Variants in EEIG2 observed in about 807,000 individuals in gnomAD.
EEIG2 encodes the protein family with sequence similarity 102 member B.
the EEIG2 span, among the ~76,000 whole-genome samples, chr1:108,600,133 A>T: frequency 6.6e-6 from 1 of 152,234 alleles, no homozygotes; most frequent in East Asian, 1.9e-4. Flanking sequence ...AGTTCATCTT[A>T]AAATAAGAAT....
At chr1:108,600,261 A>C in the EEIG2 span, among the ~76,000 whole-genome samples, 1 of 152,266 alleles carries the variant, frequency 6.6e-6, no homozygotes, top group Non-Finnish European at 1.5e-5. Context: ...CATGTACCAC[A>C]TGCGCAGCAT....
At chr1:108,623,481 C>T in the EEIG2 span, among the ~76,000 whole-genome samples, 4 of 151,100 alleles carry the variant, frequency 2.6e-5, no homozygotes, top group African/African-American at 4.9e-5. Flanking sequence ...GGTGACAAAG[C>T]GAGACCCTGT....
At chr1:108,632,502 G>A in the EEIG2 span, among the ~76,000 whole-genome samples, 16 of 152,196 alleles carry the variant, frequency 1.1e-4, no homozygotes, top group Admixed American at 2.6e-4. Context: ...TTAGAGCAAG[G>A]AAAGACCAGT....
At chr1:108,633,547 C>T in the EEIG2 span, among the ~76,000 whole-genome samples, 3 of 152,332 alleles carry the variant, frequency 2.0e-5, no homozygotes, top group South Asian at 6.2e-4. Context: ...CCGGCATGCA[C>T]CTGCCTGCTT....
At chr1:108,611,910 G>A in the EEIG2 span, among the ~76,000 whole-genome samples, 1 of 147,292 alleles carries the variant, frequency 6.8e-6, no homozygotes, top group African/African-American at 2.6e-5. Flanking sequence ...ATTCTTTAAT[G>A]TATATAGAAA....
At chr1:108,624,755 A>T in the EEIG2 span, 1 of 1,608,532 alleles carries the variant, frequency 6.2e-7, no homozygotes. Context: ...GCAGGTATGG[A>T]TGTGTGGCTT....
the EEIG2 span, among the ~76,000 whole-genome samples, chr1:108,561,783 C>T: frequency 6.6e-6 from 1 of 152,166 alleles, no homozygotes; most frequent in Non-Finnish European, 1.5e-5. Flanking sequence ...AATATTGGAC[C>T]ATCTCTTACT....
At chr1:108,617,088 G>C in the EEIG2 span, among the ~76,000 whole-genome samples, 1 of 152,106 alleles carries the variant, frequency 6.6e-6, no homozygotes, top group African/African-American at 2.4e-5. Flanking sequence ...TGAGGGAGAA[G>C]TGTTCTTGGC....
the EEIG2 span, chr1:108,606,158 G>A: frequency 2.0e-6 from 2 of 1,016,678 alleles, no homozygotes; most frequent in Non-Finnish European, 1.4e-6. Flanking sequence ...AGAATTATTT[G>A]ACATATATTT....
At chr1:108,627,440 A>G in the EEIG2 span, 1 of 152,232 alleles carries the variant, frequency 6.6e-6, no homozygotes, top group Admixed American at 6.5e-5. Context: ...ATTGTGCCCT[A>G]GGGAAAATGG....
chr1:108,625,024 C>T, the EEIG2 span: 362 of 279,052 alleles, frequency 1.3e-3, 1 homozygote, highest in African/African-American at 7.0e-3. Flanking sequence ...CCATTTTTCC[C>T]GTTCCATTAC....
At chr1:108,584,877 T>C in the EEIG2 span, among the ~76,000 whole-genome samples, 2 of 152,102 alleles carry the variant, frequency 1.3e-5, no homozygotes, top group Non-Finnish European at 2.9e-5. Flanking sequence ...CAGAAATACA[T>C]AGAAATAGCT....
chr1:108,613,072 A>G, the EEIG2 span, among the ~76,000 whole-genome samples: 18 of 152,364 alleles, frequency 1.2e-4, no homozygotes, highest in Admixed American at 6.5e-4. Flanking sequence ...AGTCCAATGC[A>G]TAAAGTGGTT....
chr1:108,631,979 T>TG, the EEIG2 span, among the ~76,000 whole-genome samples: 1 of 151,774 alleles, frequency 6.6e-6, no homozygotes. Context: ...CCGGGTGTGG[T>TG]GGCGGGCGCC....
At chr1:108,628,316 T>G in the EEIG2 span, 1 of 1,611,472 alleles carries the variant, frequency 6.2e-7, no homozygotes, top group South Asian at 1.1e-5. Flanking sequence ...GACTTGAAAC[T>G]GCTGTGGTGT....
chr1:108,600,316 C>T, the EEIG2 span, among the ~76,000 whole-genome samples: 1 of 152,046 alleles, frequency 6.6e-6, no homozygotes, highest in Non-Finnish European at 1.5e-5. Context: ...AATGGTGTAG[C>T]CTAATGTATA....
chr1:108,587,607 C>CT, the EEIG2 span, among the ~76,000 whole-genome samples: 1 of 152,242 alleles, frequency 6.6e-6, no homozygotes. Flanking sequence ...ATCACTGATT[C>CT]TTTTCTATCT....
the EEIG2 span, among the ~76,000 whole-genome samples, chr1:108,613,300 G>A: frequency 6.6e-6 from 1 of 152,094 alleles, no homozygotes; most frequent in Non-Finnish European, 1.5e-5. Context: ...AGGGTTAGAC[G>A]GATGAGGATA....
chr1:108,627,431 T>C, the EEIG2 span: 6 of 152,256 alleles, frequency 3.9e-5, no homozygotes, highest in Non-Finnish European at 7.3e-5. Context: ...CCAAATATGA[T>C]TGTGCCCTAG....
Sources: gnomAD v4.1 joint callset for allele counts (sites outside exome capture counted in the v4.1 genomes callset) on GRCh38, gnomAD v4.1.1 for gene constraint, MANE v1.5 for transcripts, NCBI Gene and HGNC (gene_info 2026-07-23, HGNC 2026-07-21) for gene names.